Variants in INPP4B observed in about 807,000 individuals in gnomAD.
INPP4B encodes inositol polyphosphate 4-phosphatase type II.
INPP4B carries 55 observed loss-of-function variants against 122.5 expected under a neutral mutation model. The ratio of observed to expected loss-of-function variants is 0.45; its 90% CI spans 0.36 to 0.56. INPP4B has a LOEUF of 0.56. INPP4B is among the 20% of genes least tolerant of loss of function. INPP4B has a pLI of 0.00. For synonymous variants in INPP4B, 403 were observed against 388.7 expected, an observed-to-expected ratio of 1.04 and a Z score of -0.43; for missense variants, 1,000 against 1,097.7, an observed-to-expected ratio of 0.91 and a Z score of 1.26.
In INPP4B at chr4:142,629,915, T is replaced by G. The variant is rs375861939; in HGVS notation, c.-191+95924A>C. On this transcript the variant is annotated intron_variant, in intron 2 of 25. Transcript: ENST00000262992. ...CCAGAGCAATGTGTCCAAGGTTGGA[T>G]GTAGGATTTAAGCCAAACTACAGAA... is the stretch of plus-strand genomic sequence containing the variant. Among the ~76,000 whole-genome samples, 3 of 152,204 alleles carry G rather than the reference T, an allele frequency of 2.0e-5. No homozygotes were observed. The East Asian group carries it at 5.8e-4, about 29-fold the overall frequency.
chr4:142,660,799 C>G (rs1755029974), intron 2 of INPP4B: 1 of 152,492 alleles, frequency 6.6e-6, no homozygotes, highest in African/African-American at 2.4e-5. Flanking sequence ...AAACTCCAAA[C>G]AGTCATGCAA....
Position 142,225,596 on chromosome 4 carries a change from T to C in INPP4B, c.836+12268A>G, listed in dbSNP as rs952002302. 2.0e-5 allele frequency among the ~76,000 whole-genome samples: 3 copies of C among 150,880 alleles called. No homozygotes were observed. The East Asian group carries it at 5.8e-4, about 29-fold the overall frequency. ...TTTAAGAAAGGCTTTAAGTTCATTG[T>C]TTGGAATATTTGTATCCTTTCCTCT... On this transcript the variant is annotated intron_variant, in intron 12 of 25. Transcript: ENST00000262992.
At chr4:142,398,781 T>A (rs1800598934) in intron 7 of INPP4B, among the ~76,000 whole-genome samples, 2 of 152,114 alleles carry the variant, frequency 1.3e-5, no homozygotes, top group Admixed American at 6.6e-5. Context: ...TAACTTTTTC[T>A]GAAAGTTTCA....
chr4:142,724,550 T>G (rs1765099460), intron 2 of INPP4B, among the ~76,000 whole-genome samples: 1 of 152,142 alleles, frequency 6.6e-6, no homozygotes, highest in Non-Finnish European at 1.5e-5. Context: ...ATGTCCCTAT[T>G]TGGAGAGTCA....
Position 142,122,245 on chromosome 4 carries a change from C to T in INPP4B, c.2018G>A (p.Ser673Asn), listed in dbSNP as rs767619977. The T allele has an allele frequency of 6.2e-7, 1 of 1,604,410 alleles. No homozygotes were observed. The highest frequency in any genetic ancestry group is 2.2e-5 in the East Asian group (1 of 44,552). The part of the protein sequence containing the change: ...VQYEGLLSTY[S>N]DEIGMLEDMA... ...GTCCTCTAGCATTCCAATTTCATCG[C>T]CTAAACAATAGAAAAGGCACTTAGC... The change falls in exon 21 of 26, where the codon AGC becomes AAC. Residue 673 changes from serine (S) to asparagine (N), a missense_variant and splice_region_variant. By Grantham distance (46) the Ser-to-Asn change is conservative. Transcript: ENST00000262992.
At chr4:142,247,187 T>G (rs1364732083) in intron 11 of INPP4B, among the ~76,000 whole-genome samples, 1 of 152,188 alleles carries the variant, frequency 6.6e-6, no homozygotes, top group East Asian at 1.9e-4. Context: ...GCTGCTGGAT[T>G]CAGTTTGCCA....
intron 7 of INPP4B, among the ~76,000 whole-genome samples, chr4:142,397,019 G>GC (rs1194309607): frequency 6.6e-6 from 1 of 152,078 alleles, no homozygotes; most frequent in East Asian, 1.9e-4. Context: ...ATGGGCATAC[G>GC]CAATTGTCAA....
At chr4:142,571,949 C>T (rs969888424) in intron 2 of INPP4B, among the ~76,000 whole-genome samples, 4 of 152,034 alleles carry the variant, frequency 2.6e-5, no homozygotes, top group East Asian at 1.9e-4. Flanking sequence ...GAATAAATTG[C>T]TTTTTTGGTT....
chr4:142,305,558 G>A, intron 8 of INPP4B, 21 bp from the exon 9 acceptor site: 2 of 1,599,980 alleles, frequency 1.3e-6, no homozygotes, highest in Non-Finnish European at 1.7e-6. Context: ...CAGAAAGAAT[G>A]GTTTCATTAA....
chr4:142,329,310 T>C (rs28483116), intron 7 of INPP4B, among the ~76,000 whole-genome samples: 3,915 of 152,210 alleles, frequency 0.026, 174 homozygotes, highest in African/African-American at 0.09. Context: ...GGGAGAATAG[T>C]ATTTTAGGCC....
At chr4:142,715,607 A>G (rs557018522) in intron 2 of INPP4B, among the ~76,000 whole-genome samples, 1 of 152,174 alleles carries the variant, frequency 6.6e-6, no homozygotes, top group African/African-American at 2.4e-5. Context: ...AAATAAAGGC[A>G]TAGGTGAAAG....
At chr4:142,192,487 A>G (rs1260724164) in intron 15 of INPP4B, among the ~76,000 whole-genome samples, 1 of 152,082 alleles carries the variant, frequency 6.6e-6, no homozygotes, top group Non-Finnish European at 1.5e-5. Flanking sequence ...CTGATAAGAC[A>G]TGGGGGAGAA....
intron 9 of INPP4B, among the ~76,000 whole-genome samples, chr4:142,295,337 G>T (rs1561776682): frequency 6.6e-6 from 1 of 152,184 alleles, no homozygotes; most frequent in East Asian, 1.9e-4. Context: ...GTCAATGACT[G>T]TGGATGGGGG....
chr4:142,442,943 G>C (rs1812137956), intron 3 of INPP4B, among the ~76,000 whole-genome samples: 1 of 152,178 alleles, frequency 6.6e-6, no homozygotes, highest in African/African-American at 2.4e-5. Flanking sequence ...GGGAGAGCTT[G>C]TGCAGGGGAA....
intron 5 of INPP4B, 48 bp downstream of exon 5, chr4:142,429,125 T>C: frequency 9.1e-7 from 1 of 1,103,882 alleles, no homozygotes. Context: ...TGCAAACTAC[T>C]ACACAAATTC....
chr4:142,617,508 G>A (rs1279161597), intron 2 of INPP4B, among the ~76,000 whole-genome samples: 3 of 152,036 alleles, frequency 2.0e-5, no homozygotes, highest in Non-Finnish European at 2.9e-5. Context: ...AAAAGCTCAC[G>A]GCTGGAGAGA....
At chr4:142,245,256 T>C (rs1727361811) in intron 11 of INPP4B, among the ~76,000 whole-genome samples, 1 of 152,202 alleles carries the variant, frequency 6.6e-6, no homozygotes, top group African/African-American at 2.4e-5. Context: ...TGGTTCCCAG[T>C]GCTTTTGGTG....
intron 2 of INPP4B, among the ~76,000 whole-genome samples, chr4:142,496,379 T>C (rs895387947): frequency 6.6e-6 from 1 of 152,186 alleles, no homozygotes; most frequent in Admixed American, 6.6e-5. Context: ...GCTTTGAACA[T>C]TATCATAAAT....
intron 2 of INPP4B, among the ~76,000 whole-genome samples, chr4:142,498,632 C>A (rs1042397138): frequency 2.6e-5 from 4 of 151,340 alleles, no homozygotes; most frequent in Non-Finnish European, 4.4e-5. Context: ...CTGAAAAAAA[C>A]ACACAAAAAT....
Sources: gnomAD v4.1 joint callset for allele counts (sites outside exome capture counted in the v4.1 genomes callset) on GRCh38, gnomAD v4.1.1 for gene constraint, MANE v1.5 for transcripts, NCBI Gene and HGNC (gene_info 2026-07-23, HGNC 2026-07-21) for gene names.